The following OSBPL1A variants were observed in gnomAD, a reference collection of about 807,000 sequenced individuals.
OSBPL1A encodes the protein oxysterol-binding protein-related protein 1.
Under a neutral mutation model 137.1 loss-of-function variants are expected in OSBPL1A, and 80 were observed. That is an observed-to-expected ratio of 0.58 (90% CI 0.49 to 0.70). The LOEUF (loss-of-function observed/expected upper bound fraction) is 0.70. OSBPL1A is among the 30% of genes least tolerant of loss of function. The pLI, the probability that OSBPL1A is intolerant of heterozygous loss-of-function variation, is 0.00. For synonymous variants in OSBPL1A, 365 were observed against 389.7 expected (o/e 0.94, Z 0.75); for missense variants, 970 against 1,129.4 (o/e 0.86, Z 2.02).
intron 15 of OSBPL1A, among the ~76,000 whole-genome samples, chr18:24,256,162 A>T (rs985671392): frequency 2.0e-5 from 3 of 152,194 alleles, no homozygotes; most frequent in Non-Finnish European, 2.9e-5. Context: ...AAAACCAAAG[A>T]CACATCACAA....
chr18:24,357,487 G>A (rs1388880946), intron 4 of OSBPL1A: 2 of 152,104 alleles, frequency 1.3e-5, no homozygotes, highest in Non-Finnish European at 2.9e-5. Context: ...TGCTCACTAG[G>A]AATTTCCTTG....
At chr18:24,369,151 C>T (rs1160989269) in intron 2 of OSBPL1A, among the ~76,000 whole-genome samples, 1 of 152,124 alleles carries the variant, frequency 6.6e-6, no homozygotes, top group Non-Finnish European at 1.5e-5. Context: ...GCTGTGAACT[C>T]TACAGATAGT....
rs182540516 is a variant in OSBPL1A at position 24,234,321 on chromosome 18, C to A, written c.1444+4899G>T. Among the ~76,000 whole-genome samples, 78 of 152,304 alleles carry A rather than the reference C, an allele frequency of 5.1e-4. 2 individuals are homozygous for A. Among genetic ancestry groups the A allele is most frequent in the Non-Finnish European group, 1.3e-4 (9 of 68,022 alleles). On this transcript the variant is annotated intron_variant, in intron 16 of 27. Transcript: ENST00000319481. ...GAAATTTCACTTGACATAACCATTT[C>A]ATTCCTTAAACACACCCACTCCCAC...
intron 1 of OSBPL1A, among the ~76,000 whole-genome samples, chr18:24,380,453 C>G (rs1299595432): frequency 1.3e-5 from 2 of 152,170 alleles, no homozygotes; most frequent in African/African-American, 2.4e-5. Flanking sequence ...TAATTCCACC[C>G]CTCAGAAGTG....
intron 14 of OSBPL1A, among the ~76,000 whole-genome samples, chr18:24,300,422 T>G (rs1338805982): frequency 1.3e-5 from 2 of 152,174 alleles, no homozygotes; most frequent in African/African-American, 4.8e-5. Flanking sequence ...ATGTAAAAAA[T>G]TATGATCCAA....
chr18:24,385,194 T>C (rs914059770), intron 1 of OSBPL1A, among the ~76,000 whole-genome samples: 5 of 151,828 alleles, frequency 3.3e-5, no homozygotes, highest in African/African-American at 1.2e-4. Flanking sequence ...GACCTCATGA[T>C]CCGCCCGCCC....
chr18:24,281,378 C>A (rs1599609043), intron 14 of OSBPL1A, among the ~76,000 whole-genome samples: 2 of 150,864 alleles, frequency 1.3e-5, no homozygotes, highest in East Asian at 3.9e-4. Flanking sequence ...GTCACCGCGC[C>A]CGGCTTTTTT....
intron 15 of OSBPL1A, among the ~76,000 whole-genome samples, chr18:24,259,436 T>C (rs1281192688): frequency 6.6e-6 from 1 of 152,220 alleles, no homozygotes; most frequent in Non-Finnish European, 1.5e-5. Context: ...TCCATCTCTC[T>C]GTCAGCTATA....
intron 15 of OSBPL1A, among the ~76,000 whole-genome samples, chr18:24,248,545 G>C (rs2088975765): frequency 6.6e-6 from 1 of 152,212 alleles, no homozygotes; most frequent in African/African-American, 2.4e-5. Flanking sequence ...CCATGGGAAA[G>C]AAGATAAGAA....
intron 6 of OSBPL1A, among the ~76,000 whole-genome samples, chr18:24,333,714 G>A (rs1248930248): frequency 6.6e-6 from 1 of 152,206 alleles, no homozygotes; most frequent in Non-Finnish European, 1.5e-5. Flanking sequence ...AGGAATGGAA[G>A]CTGGAAAGTA....
chr18:24,335,297 T>G (rs376724807), intron 5 of OSBPL1A, among the ~76,000 whole-genome samples: 6 of 152,238 alleles, frequency 3.9e-5, no homozygotes, highest in African/African-American at 1.4e-4. Context: ...GAGGTAGGTG[T>G]TGTTATTATA....
At chr18:24,351,836 A>C (rs75224420) in intron 4 of OSBPL1A, among the ~76,000 whole-genome samples, 9,697 of 152,282 alleles carry the variant, frequency 0.064, 380 homozygotes, top group Middle Eastern at 0.095. Flanking sequence ...CACTGTGCCC[A>C]GCCTGCAATT....
intron 17 of OSBPL1A, among the ~76,000 whole-genome samples, chr18:24,208,491 T>C (rs183524586): frequency 1.8e-4 from 27 of 152,342 alleles, no homozygotes; most frequent in African/African-American, 5.8e-4. Context: ...TTTGTCCTGG[T>C]TGGGGCATAA....
In OSBPL1A at chr18:24,172,350, T is replaced by A. The variant is rs757418328; in HGVS notation, c.2201+26A>T. 1.7e-5 allele frequency: 26 copies of A among 1,529,728 alleles called. No homozygotes were observed. In the Admixed American group the frequency reaches 4.2e-4, roughly 25 times the overall value. The allele number at this position is 1,529,728 out of a possible 1,614,324, so 94.8% of individuals were successfully genotyped here. On this transcript the variant is annotated intron_variant, in intron 22 of 27. Transcript: ENST00000319481. ...AACTGCTTGATGAAAACTGAAGGAATGGACGAAGTACCCAAGGTGCCTTAC... is the reference window on the plus strand; with the variant it reads ...AACTGCTTGATGAAAACTGAAGGAAAGGACGAAGTACCCAAGGTGCCTTAC...
intron 17 of OSBPL1A, among the ~76,000 whole-genome samples, chr18:24,215,338 T>C (rs1201151276): frequency 6.6e-6 from 1 of 152,230 alleles, no homozygotes; most frequent in Non-Finnish European, 1.5e-5. Context: ...ATCAACATGA[T>C]ACAACAGCAG....
At chr18:24,187,626 G>T (rs886461683) in intron 18 of OSBPL1A, among the ~76,000 whole-genome samples, 1 of 152,182 alleles carries the variant, frequency 6.6e-6, no homozygotes, top group Non-Finnish European at 1.5e-5. Flanking sequence ...TCTGTTAAGT[G>T]AGCAATAGAT....
At chr18:24,311,840 C>A in intron 13 of OSBPL1A, 144 bp downstream of exon 13, 1 of 925,184 alleles carries the variant, frequency 1.1e-6, no homozygotes, top group South Asian at 1.6e-5. Context: ...GCTACCAACA[C>A]AATGCAACTC....
At chr18:24,340,830 A>G (rs1162847063) in intron 5 of OSBPL1A, among the ~76,000 whole-genome samples, 1 of 152,078 alleles carries the variant, frequency 6.6e-6, no homozygotes, top group African/African-American at 2.4e-5. Context: ...GTGACTCCCA[A>G]AAGCAACACC....
In OSBPL1A at chr18:24,298,292, T is replaced by C. The variant is rs143499043; in HGVS notation, c.1174+5345A>G. Among the ~76,000 whole-genome samples, 194 of 152,296 alleles carry C rather than the reference T, an allele frequency of 1.3e-3. 3 individuals carry two copies. The East Asian group carries it at 0.032, about 25-fold the overall frequency. ...CAGCAGCCCTCAGGGCTGCTCTGTC[T>C]ATGGAGTAGCTGTTCTTTTATTCCT... is the stretch of plus-strand genomic sequence containing the variant. On this transcript the variant is annotated intron_variant, in intron 14 of 27. Coordinates refer to ENST00000319481, the MANE Select transcript of OSBPL1A (RefSeq NM_080597.4).
Sources: allele counts gnomAD v4.1 joint callset (sites outside exome capture counted in the v4.1 genomes callset), GRCh38; gene constraint gnomAD v4.1.1; transcripts MANE v1.5; gene names NCBI Gene and HGNC (gene_info 2026-07-23, HGNC 2026-07-21).